CEP152: variants seen among roughly 807,000 people sequenced by gnomAD.
CEP152 encodes the protein centrosomal protein of 152 kDa.
CEP152 carries 132 observed loss-of-function variants against 188.9 expected under a neutral mutation model. That is an observed-to-expected ratio of 0.70 (90% confidence interval 0.61 to 0.81). The LOEUF (loss-of-function observed/expected upper bound fraction) is 0.81. CEP152 is among the 30% of genes least tolerant of loss of function. The probability of loss-of-function intolerance (pLI) is 0.00; values close to 1 mark genes in which losing one functional copy is unlikely to be tolerated. For missense variants in CEP152, 1,914 were observed against 1,969.8 expected (o/e 0.97, Z 0.54); for synonymous variants, 649 against 666.6 (o/e 0.97, Z 0.41).
chr15:48,761,059 A>G (rs538397095), intron 18 of CEP152, among the ~76,000 whole-genome samples: 8 of 152,322 alleles, frequency 5.3e-5, no homozygotes, highest in African/African-American at 1.9e-4. Flanking sequence ...AAATTTATCT[A>G]CTTAAAAAGT....
At chr15:48,774,316 C>T (rs1432564023) in intron 12 of CEP152, among the ~76,000 whole-genome samples, 1 of 151,986 alleles carries the variant, frequency 6.6e-6, no homozygotes, top group Non-Finnish European at 1.5e-5. Flanking sequence ...AAAATAATGG[C>T]CAAATTTTTC....
intron 26 of CEP152, among the ~76,000 whole-genome samples, chr15:48,740,262 A>C (rs1462966153): frequency 1.3e-5 from 2 of 152,122 alleles, no homozygotes; most frequent in Non-Finnish European, 2.9e-5. Flanking sequence ...TAATTTATCT[A>C]ATCTTTTATT....
chr15:48,765,635 A>ATTT, intron 17 of CEP152: 2 of 305,970 alleles, frequency 6.5e-6, no homozygotes, highest in East Asian at 1.1e-4. Context: ...TGTTCTTGCC[A>ATTT]ATTTTTTTTT....
intron 9 of CEP152, among the ~76,000 whole-genome samples, chr15:48,786,410 G>A (rs1896637349): frequency 6.6e-6 from 1 of 151,976 alleles, no homozygotes; most frequent in Admixed American, 6.6e-5. Flanking sequence ...ATTATAATAT[G>A]TTGTGAGTGC....
intron 1 of CEP152, chr15:48,810,148 T>C (rs1278625693): frequency 1.3e-5 from 2 of 152,116 alleles, no homozygotes; most frequent in African/African-American, 4.8e-5. Context: ...GACTACGATA[T>C]AGGAAGGGTT....
At chr15:48,795,885 A>T in intron 6 of CEP152, 125 bp downstream of exon 6, 1 of 869,564 alleles carries the variant, frequency 1.2e-6, no homozygotes, top group Non-Finnish European at 1.8e-6. Flanking sequence ...TCTTTGAAAT[A>T]TCAAGCACAA....
chr15:48,736,849 A>G (rs1379285373), downstream of CEP152, among the ~76,000 whole-genome samples: 1 of 152,214 alleles, frequency 6.6e-6, no homozygotes, highest in African/African-American at 2.4e-5. Context: ...CTAGATTCTA[A>G]GTTTACTAAA....
In CEP152 at chr15:48,756,143, G is replaced by A. The variant is rs1894242115; in HGVS notation, c.3105C>T (p.Ile1035=). ...CCTCATACTGATAGATTTCCAGTTG[G>A]ATCCGCTTGGCTTCCTGCATAGTCC... is the stretch of plus-strand genomic sequence containing the variant. ...REWTMQEAKR[I]QLEIYQYEED... Residue 1035 remains isoleucine (I), a synonymous_variant, in exon 20 of 27, where the codon ATC becomes ATT. Transcript: ENST00000380950. 2.5e-6 allele frequency: 4 copies of A among 1,614,070 alleles called. No homozygotes were observed. The highest frequency in any genetic ancestry group is 1.3e-5 in the African/African-American group (1 of 75,024).
chr15:48,784,503 C>G (rs1896491783), intron 9 of CEP152, among the ~76,000 whole-genome samples: 1 of 152,166 alleles, frequency 6.6e-6, no homozygotes, highest in South Asian at 2.1e-4. Flanking sequence ...AGGCAGACTA[C>G]TTTGAATCAT....
intron 21 of CEP152, among the ~76,000 whole-genome samples, chr15:48,749,678 TA>T (rs1195043288): frequency 1.3e-5 from 2 of 150,580 alleles, no homozygotes. Flanking sequence ...AAAGTTCTGT[TA>T]AAAAAAAATG....
intron 24 of CEP152, among the ~76,000 whole-genome samples, chr15:48,742,892 C>T (rs570685544): frequency 2.9e-4 from 44 of 152,008 alleles, no homozygotes; most frequent in African/African-American, 1.0e-3. Flanking sequence ...CCAATTCATA[C>T]AGGAATCTTC....
At chr15:48,799,448 T>C (rs1897534027) in intron 2 of CEP152, among the ~76,000 whole-genome samples, 1 of 152,174 alleles carries the variant, frequency 6.6e-6, no homozygotes, top group African/African-American at 2.4e-5. Flanking sequence ...CCTCACTCTA[T>C]ATTTATTTCT....
chr15:48,767,287 G>A, intron 16 of CEP152, 48 bp downstream of exon 16: 1 of 1,614,020 alleles, frequency 6.2e-7, no homozygotes, highest in South Asian at 1.1e-5. Context: ...TGGAATAGGG[G>A]AATGTAGTCT....
At chr15:48,775,515 G>A (rs1206953769) in intron 12 of CEP152, among the ~76,000 whole-genome samples, 1 of 152,114 alleles carries the variant, frequency 6.6e-6, no homozygotes, top group Non-Finnish European at 1.5e-5. Flanking sequence ...TTAATGTGCT[G>A]AAATAGAAGA....
intron 12 of CEP152, among the ~76,000 whole-genome samples, chr15:48,778,115 C>G (rs1250837980): frequency 2.0e-5 from 3 of 152,196 alleles, no homozygotes; most frequent in Non-Finnish European, 4.4e-5. Context: ...AGAGAGGAAG[C>G]TGTCTGCAAG....
intron 19 of CEP152, among the ~76,000 whole-genome samples, chr15:48,757,322 G>A (rs185493240): frequency 6.6e-6 from 1 of 152,056 alleles, no homozygotes; most frequent in East Asian, 1.9e-4. Flanking sequence ...TATAAAATGG[G>A]GATAATTACA....
chr15:48,760,226 C>A lies in CEP152; in HGVS notation c.2603G>T (p.Gly868Val), dbSNP rs1341110559. ...AVQNAHQRWL[G>V]ELPELAEYQA... ...ATACTCTGCCAGCTCTGGTAGTTCT[C>A]CCAGCCATCGCTGATGAGCATTTTG... is the stretch of plus-strand genomic sequence containing the variant. Residue 868 changes from glycine (G) to valine (V), a missense_variant, in exon 19 of 27, where the codon GGA becomes GTA. Transcript: ENST00000380950. 1 of 1,613,926 alleles carries A rather than the reference C, an allele frequency of 6.2e-7. No individual in the cohort carries two copies. The highest frequency in any genetic ancestry group is 8.5e-7 in the Non-Finnish European group (1 of 1,179,960).
At chr15:48,800,026 G>A (rs1036635682) in intron 2 of CEP152, among the ~76,000 whole-genome samples, 6 of 152,112 alleles carry the variant, frequency 3.9e-5, no homozygotes, top group African/African-American at 9.7e-5. Context: ...ATTCAGGGGC[G>A]CCTTGACAGG....
At chr15:48,768,856 A>G (rs1895315466) in intron 14 of CEP152, 100 bp downstream of exon 14, 1 of 861,416 alleles carries the variant, frequency 1.2e-6, no homozygotes, top group Admixed American at 2.5e-5. Context: ...CTTGTCTACT[A>G]ACTCACATTG....
Sources: gnomAD v4.1 joint callset for allele counts (sites outside exome capture counted in the v4.1 genomes callset) on GRCh38, gnomAD v4.1.1 for gene constraint, MANE v1.5 for transcripts, NCBI Gene and HGNC (gene_info 2026-07-23, HGNC 2026-07-21) for gene names.